The following SETD5 variants were observed in gnomAD, a reference collection of about 807,000 sequenced individuals.
The protein encoded by SETD5 is SET domain containing 5, also known as histone-lysine N-methyltransferase SETD5.
Under a neutral mutation model 153.3 loss-of-function variants are expected in SETD5, and 44 were observed. That is an observed-to-expected ratio of 0.29 (90% CI 0.23 to 0.37). SETD5 has a LOEUF of 0.37. SETD5 is among the 10% of genes least tolerant of loss of function. SETD5 has a pLI of 1.00. For missense variants in SETD5, 1,544 were observed against 1,768.0 expected (o/e 0.87, Z 2.27); for synonymous variants, 716 against 645.2 (o/e 1.11, Z -1.66).
rs760323792 is a variant in SETD5 at position 9,434,137 on chromosome 3, G to A, written c.177+187G>A. 1.9e-6 allele frequency: 3 copies of A among 1,548,378 alleles called. No homozygotes were observed. Reference sequence around the variant, plus strand: ...TGTTTTTATGTCCCAGTTGACCTTGGCATTTTGTTTTATCACTTTCCTGGT... The same window carrying A: ...TGTTTTTATGTCCCAGTTGACCTTGACATTTTGTTTTATCACTTTCCTGGT... On this transcript the variant is annotated intron_variant, in intron 4 of 22. Coordinates refer to ENST00000402198, the MANE Select transcript of SETD5 (RefSeq NM_001080517.3). The surrounding 1 kb of genome is among the most constrained non-coding windows in gnomAD (Gnocchi z 5.6).
At chr3:9,435,643 T>A in intron 6 of SETD5, 85 bp from the exon 7 acceptor site, 1 of 1,273,440 alleles carries the variant, frequency 7.9e-7, no homozygotes, top group Non-Finnish European at 1.1e-6. Flanking sequence ...GCTTACTGCA[T>A]GTGGGGCACA....
chr3:9,444,690 A>C (rs530614918), intron 11 of SETD5, among the ~76,000 whole-genome samples: 1 of 152,246 alleles, frequency 6.6e-6, no homozygotes, highest in African/African-American at 2.4e-5. Flanking sequence ...CAGGAGTTCA[A>C]GACCAGCCTA....
At chr3:9,419,923 A>G (rs956358431) in intron 1 of SETD5, among the ~76,000 whole-genome samples, 1 of 152,170 alleles carries the variant, frequency 6.6e-6, no homozygotes, top group African/African-American at 2.4e-5. Flanking sequence ...GAGATATGAG[A>G]AGTTCTTTTC....
chr3:9,424,026 T>C (rs1158954814), intron 1 of SETD5, among the ~76,000 whole-genome samples: 1 of 152,156 alleles, frequency 6.6e-6, no homozygotes, highest in East Asian at 1.9e-4. Flanking sequence ...AATATGGACT[T>C]GTAATTTAAT....
intron 17 of SETD5, among the ~76,000 whole-genome samples, chr3:9,459,714 C>CAAAAA (rs386395917): frequency 1.3e-5 from 1 of 78,298 alleles, no homozygotes; most frequent in Non-Finnish European, 2.8e-5. Context: ...GAGACTCCAT[C>CAAAAA]AAAAAAAAAA....
chr3:9,449,507 G>A (rs2042389758), intron 16 of SETD5: 1 of 152,144 alleles, frequency 6.6e-6, no homozygotes, highest in Non-Finnish European at 1.5e-5. Flanking sequence ...CTTCCTCAGT[G>A]TCTGCCATTG....
At position 9,475,093 on chromosome 3, in the gene SETD5, G is replaced by T; in HGVS notation, c.3657G>T (p.Glu1219Asp). The T allele has an allele frequency of 6.3e-7, 1 of 1,589,532 alleles. No homozygotes were observed. The highest frequency in any genetic ancestry group is 8.6e-7 in the Non-Finnish European group (1 of 1,168,098). ...DSDPADGEGP[E>D]TLSSALSKGA... is the part of the protein sequence containing the mutation. ...ACCCTGCAGATGGAGAAGGCCCAGA[G>T]ACATTAAGCTCAGCACTCTCTAAAG... Residue 1219 changes from glutamate to aspartate, a missense_variant, in exon 22 of 23, where the codon GAG becomes GAT. Physicochemically the swap from Glu to Asp is conservative, Grantham distance 45. Transcript: ENST00000402198.
chr3:9,464,421 A>G lies in SETD5; in HGVS notation c.2477-4A>G. Reference sequence around the variant, plus strand: ...AACTCTCATCCAAGCTTTGTGTTTCACAGACTTGTTGAGCCCATTAAAGAA... The same window carrying G: ...AACTCTCATCCAAGCTTTGTGTTTCGCAGACTTGTTGAGCCCATTAAAGAA... On this transcript the variant is annotated splice_polypyrimidine_tract_variant and splice_region_variant and intron_variant, in intron 17 of 22. Transcript: ENST00000402198. 1 of 1,603,946 alleles carries G rather than the reference A, an allele frequency of 6.2e-7. No homozygotes were observed. Among genetic ancestry groups the G allele is most frequent in the African/African-American group, 1.3e-5 (1 of 74,766 alleles).
At chr3:9,445,915 C>T (rs1488069451) in intron 13 of SETD5, among the ~76,000 whole-genome samples, 175 bp downstream of exon 13, 3 of 146,436 alleles carry the variant, frequency 2.0e-5, no homozygotes, top group East Asian at 2.0e-4. Context: ...TTTCTCTATA[C>T]ACACAGTAGT....
At chr3:9,405,540 T>C (rs2035515759) in intron 1 of SETD5, among the ~76,000 whole-genome samples, 2 of 152,232 alleles carry the variant, frequency 1.3e-5, no homozygotes, top group African/African-American at 4.8e-5. Flanking sequence ...TTTATCATTT[T>C]TATTGTCTTT....
intron 1 of SETD5, among the ~76,000 whole-genome samples, chr3:9,406,844 A>G (rs891744982): frequency 2.6e-5 from 4 of 152,198 alleles, no homozygotes; most frequent in African/African-American, 9.7e-5. Context: ...ACATTTTAAT[A>G]TTGGGGCTTT....
intron 1 of SETD5, among the ~76,000 whole-genome samples, chr3:9,414,746 A>G (rs776400106): frequency 2.0e-5 from 3 of 152,132 alleles, no homozygotes; most frequent in Non-Finnish European, 2.9e-5. Context: ...TCTCCAAAAG[A>G]TTGAGAACCA....
intron 17 of SETD5, among the ~76,000 whole-genome samples, chr3:9,462,857 AGTT>A (rs2044142053): frequency 6.6e-6 from 1 of 152,064 alleles, no homozygotes; most frequent in Admixed American, 6.5e-5. Flanking sequence ...TGATTTATAG[AGTT>A]GTTAAAATTA....
chr3:9,468,890 G>C (rs1228221889), intron 18 of SETD5, among the ~76,000 whole-genome samples: 1 of 152,064 alleles, frequency 6.6e-6, no homozygotes, highest in African/African-American at 2.4e-5. Flanking sequence ...ATAGAATCTA[G>C]AAGTCAAGAT....
intron 13 of SETD5, 28 bp from the exon 14 acceptor site, chr3:9,447,022 C>G (rs1352593255): frequency 6.4e-7 from 1 of 1,564,314 alleles, no homozygotes; most frequent in East Asian, 2.2e-5. Context: ...TTGAAGCTTC[C>G]TTCTACACCA....
At chr3:9,422,827 A>G (rs555710258) in intron 1 of SETD5, among the ~76,000 whole-genome samples, 125 of 152,290 alleles carry the variant, frequency 8.2e-4, no homozygotes, top group Middle Eastern at 3.4e-3. Flanking sequence ...GGCTGTTAAC[A>G]ATTGTTTCTC....
Position 9,445,962 on chromosome 3 carries a change from G to GTTTTT in SETD5, c.1524+224_1524+225insTTTTT, listed in dbSNP as rs1432231015. On this transcript the variant is annotated intron_variant, in intron 13 of 22. Coordinates refer to ENST00000402198, the MANE Select transcript of SETD5 (RefSeq NM_001080517.3). Reference sequence around the variant, plus strand: ...TATTATCTAGTGATGGTTTGAAGAGGTTGTTTTTTTTTTTTTTTTTTTTTT... The same window carrying GTTTTT: ...TATTATCTAGTGATGGTTTGAAGAGGTTTTTTTGTTTTTTTTTTTTTTTTTTTTTT... Among the ~76,000 whole-genome samples, 248 of 120,202 alleles carry GTTTTT rather than the reference G, an allele frequency of 2.1e-3. 15 individuals carry two copies. The highest frequency in any genetic ancestry group is 8.0e-3 in the African/African-American group (229 of 28,602). 78.9% of individuals were successfully genotyped at this position (120,202 alleles called of 152,430 possible). A position where few individuals can be genotyped will look rare whatever the true frequency, so the allele number is the denominator to read the frequency against.
chr3:9,433,627 GT>G, intron 3 of SETD5: 5 of 1,022,270 alleles, frequency 4.9e-6, no homozygotes, highest in Non-Finnish European at 6.7e-6. Context: ...ACATCTGCCT[GT>G]ACTGGCTTCA....
chr3:9,439,728 G>A (rs192114158), intron 7 of SETD5, among the ~76,000 whole-genome samples: 1 of 152,162 alleles, frequency 6.6e-6, no homozygotes, highest in Non-Finnish European at 1.5e-5. Flanking sequence ...TCCTAGAGGA[G>A]TATAGCAAAG....
Sources: allele counts gnomAD v4.1 joint callset (sites outside exome capture counted in the v4.1 genomes callset), GRCh38; gene constraint gnomAD v4.1.1; non-coding constraint Gnocchi (gnomAD v3.1); transcripts MANE v1.5; gene names NCBI Gene and HGNC (gene_info 2026-07-23, HGNC 2026-07-21).